The following PRKDC variants were observed in gnomAD, a reference collection of about 807,000 sequenced individuals.
PRKDC encodes the protein protein kinase, DNA-activated, catalytic subunit.
A neutral mutation model predicts 486.9 loss-of-function variants in PRKDC; 82 were observed. The ratio of observed to expected loss-of-function variants is 0.17; its 90% CI spans 0.14 to 0.20. The LOEUF (loss-of-function observed/expected upper bound fraction) is 0.20, where lower values mean the gene tolerates loss of function less well. PRKDC is among the 10% of genes least tolerant of loss of function. The pLI is 1.00. For missense variants in PRKDC, 4,504 were observed against 5,038.2 expected, an observed-to-expected ratio of 0.89 and a Z score of 3.21; for synonymous variants, 1,895 against 1,837.0, an observed-to-expected ratio of 1.03 and a Z score of -0.81.
rs772927515 is a variant in PRKDC, at chr8:47,897,266, A to T, written c.3493T>A (p.Leu1165Ile). The T allele has an allele frequency of 1.2e-6, 2 of 1,601,362 alleles. No homozygotes were observed. Among genetic ancestry groups the T allele is most frequent in the South Asian group, 2.2e-5 (2 of 90,278 alleles). The part of the protein sequence containing the change: ...RGFPPSASLC[L>I]LDLVKWLLAH... ...AAAAGCCACTTGACCAGATCCAATA[A>T]ACACAATGATGCGGAAGGTGGAAAT... Residue 1165 changes from leucine to isoleucine, a missense_variant, in exon 30 of 86, where the codon TTA (leucine) becomes ATA (isoleucine). Physicochemically the swap from Leu to Ile is conservative, Grantham distance 5 (BLOSUM62 2). Transcript: ENST00000314191.
At chr8:47,945,504 T>C (rs904461900) in intron 7 of PRKDC, among the ~76,000 whole-genome samples, 1 of 152,232 alleles carries the variant, frequency 6.6e-6, no homozygotes, top group African/African-American at 2.4e-5. Flanking sequence ...CACACATTGT[T>C]TGCCTTTCGT....
chr8:47,854,496 A>G (rs1311998849), intron 50 of PRKDC, among the ~76,000 whole-genome samples: 1 of 151,792 alleles, frequency 6.6e-6, no homozygotes, highest in African/African-American at 2.4e-5. Flanking sequence ...CCGCCACCAC[A>G]CCTGGCTAAT....
chr8:47,827,118 T>TCACACACACACACA (rs61385951), intron 62 of PRKDC, among the ~76,000 whole-genome samples: 2 of 128,148 alleles, frequency 1.6e-5, no homozygotes, highest in East Asian at 2.3e-4. Flanking sequence ...AATATGAAGA[T>TCACACACACACACA]CACACACACA....
intron 52 of PRKDC, 139 bp from the exon 53 acceptor site, chr8:47,849,642 G>C (rs1447587722): frequency 1.0e-6 from 1 of 975,948 alleles, no homozygotes; most frequent in Non-Finnish European, 1.5e-6. Context: ...TGATGGGACA[G>C]TAGGTGCTGG....
chr8:47,943,482 A>G (rs1331400219), intron 9 of PRKDC, 116 bp from the exon 10 acceptor site: 2 of 1,065,942 alleles, frequency 1.9e-6, no homozygotes, highest in East Asian at 2.6e-5. Flanking sequence ...ATCTAGTACC[A>G]TTACACTACA....
In PRKDC at chr8:47,902,807, C is replaced by A; in HGVS notation, c.3043-12G>T. On this transcript the variant is annotated splice_polypyrimidine_tract_variant and intron_variant, in intron 26 of 85. Coordinates refer to ENST00000314191, the MANE Select transcript of PRKDC (RefSeq NM_006904.7). Reference sequence around the variant, plus strand: ...TCCACAATTCCATCCTGAAACAAAACAAAGAGACCTTGATTGTACTAATTT... The same window carrying A: ...TCCACAATTCCATCCTGAAACAAAAAAAAGAGACCTTGATTGTACTAATTT... 2 of 1,585,998 alleles carry A rather than the reference C, an allele frequency of 1.3e-6. No individual in the cohort carries two copies. Among genetic ancestry groups the A allele is most frequent in the Non-Finnish European group, 8.6e-7 (1 of 1,166,720 alleles).
In PRKDC at chr8:47,960,117, A is replaced by T. The variant is rs1037483837; in HGVS notation, c.10T>A (p.Ser4Thr). MAGSGAGVRCSLLR... is the reference protein window; with the variant it reads MAGTGAGVRCSLLR... The stretch of plus-strand genomic sequence containing the variant: ...AGGGAGCAACGCACACCGGCTCCGG[A>T]GCCCGCCATGCCGCCGAGTCCCGCT... Residue 4 changes from serine to threonine, a missense_variant, in exon 1 of 86, where the codon TCC becomes ACC. Around this residue, in one of 6 missense-constraint regions of PRKDC, gnomAD observed 145 missense variants for 136.3 expected, o/e 1.06. Coordinates refer to ENST00000314191, the MANE Select transcript of PRKDC (RefSeq NM_006904.7). 6.7e-7 allele frequency: 1 copy of T among 1,502,460 alleles called. No individual in the cohort carries two copies. Among genetic ancestry groups the T allele is most frequent in the African/African-American group, 1.4e-5 (1 of 69,630 alleles). The allele number at this position is 1,502,460 out of a possible 1,614,324, so 93.1% of individuals were successfully genotyped here.
In PRKDC at chr8:47,817,551, T is replaced by C; in HGVS notation, c.9456A>G (p.Ser3152=). Residue 3152 remains serine, a synonymous_variant, in exon 68 of 86, where the codon TCA becomes TCG. Transcript: ENST00000314191. ...GAAGTCTCTTAAGGGGAACTTGAGATGATAAATTGCCTAAAAATAGTATTA... is the reference window on the plus strand; with the variant it reads ...GAAGTCTCTTAAGGGGAACTTGAGACGATAAATTGCCTAAAAATAGTATTA... ...ISFISKQGNL[S]SQVPLKRLLN... 6.3e-7 allele frequency: 1 copy of C among 1,594,736 alleles called. No homozygotes were observed. Among genetic ancestry groups the C allele is most frequent in the Non-Finnish European group, 8.6e-7 (1 of 1,167,854 alleles).
chr8:47,776,490 TCAAA>T (rs2086610437), intron 85 of PRKDC, among the ~76,000 whole-genome samples: 1 of 152,188 alleles, frequency 6.6e-6, no homozygotes, highest in South Asian at 2.1e-4. Context: ...TTCATCAGGG[TCAAA>T]CGCCCTAAAA....
At chr8:47,857,127 A>G (rs550602104) in intron 49 of PRKDC, 29 bp downstream of exon 49, 41 of 1,605,876 alleles carry the variant, frequency 2.6e-5, no homozygotes, top group Non-Finnish European at 3.2e-5. Flanking sequence ...AGGATAATAT[A>G]TTAACATAAA....
At chr8:47,799,134 G>A in intron 72 of PRKDC, 76 bp downstream of exon 72, 1 of 1,534,398 alleles carries the variant, frequency 6.5e-7, no homozygotes, top group South Asian at 1.2e-5. Context: ...ACAAAGAGGA[G>A]ACCAAAGGTA....
chr8:47,865,166 T>C (rs2088779126), intron 40 of PRKDC, among the ~76,000 whole-genome samples: 1 of 151,680 alleles, frequency 6.6e-6, no homozygotes, highest in Non-Finnish European at 1.5e-5. Context: ...GGCTGGCAGA[T>C]CATGAGGTCA....
intron 1 of PRKDC, chr8:47,959,343 A>G (rs1296626908): frequency 3.3e-5 from 5 of 152,214 alleles, no homozygotes; most frequent in Non-Finnish European, 5.9e-5. Context: ...AGGGGTTTGG[A>G]AAAGGTACTG....
chr8:47,831,996 C>T, intron 59 of PRKDC, 70 bp from the exon 60 acceptor site: 1 of 1,394,370 alleles, frequency 7.2e-7, no homozygotes, highest in Non-Finnish European at 1.0e-6. Context: ...TCATTTTCAC[C>T]TCGGGTTTCC....
chr8:47,930,124 G>T, intron 17 of PRKDC, 112 bp from the exon 18 acceptor site: 2 of 910,884 alleles, frequency 2.2e-6, no homozygotes, highest in South Asian at 1.9e-5. Flanking sequence ...AACATTTTGA[G>T]GTATCCTAAA....
intron 26 of PRKDC, among the ~76,000 whole-genome samples, chr8:47,903,383 C>A (rs753112276): frequency 6.6e-6 from 1 of 152,234 alleles, no homozygotes; most frequent in Non-Finnish European, 1.5e-5. Context: ...TGTCTCAGAT[C>A]TACAAAGGAA....
At chr8:47,807,804 C>T (rs1045678246) in intron 68 of PRKDC, among the ~76,000 whole-genome samples, 1 of 151,944 alleles carries the variant, frequency 6.6e-6, no homozygotes, top group African/African-American at 2.4e-5. Flanking sequence ...CAACCTCCAC[C>T]TTCTGGGTTC....
intron 59 of PRKDC, among the ~76,000 whole-genome samples, chr8:47,832,999 G>C (rs1273545782): frequency 3.3e-5 from 5 of 152,166 alleles, no homozygotes; most frequent in African/African-American, 4.8e-5. Flanking sequence ...GGGGCCCCAC[G>C]TATGGAGCTC....
At position 47,788,894 on chromosome 8, in the gene PRKDC, G is replaced by A; in HGVS notation, c.10902+12C>T. ...CTCTGCTATCAAAATAGCAGGCTGT[G>A]CCAGTCCATACCTGAATAAACTTCC... On this transcript the variant is annotated intron_variant, in intron 76 of 85. Transcript: ENST00000314191. 1.3e-6 allele frequency: 2 copies of A among 1,559,452 alleles called. No homozygotes were observed. Among genetic ancestry groups the A allele is most frequent in the Non-Finnish European group, 1.7e-6 (2 of 1,158,044 alleles).
Sources: allele counts gnomAD v4.1 joint callset (sites outside exome capture counted in the v4.1 genomes callset), GRCh38; gene constraint gnomAD v4.1.1; regional missense constraint gnomAD v4.1.1; transcripts MANE v1.5; gene names NCBI Gene and HGNC (gene_info 2026-07-23, HGNC 2026-07-21).